The following TMEM108 variants were observed in gnomAD, a reference collection of about 807,000 sequenced individuals.
TMEM108 encodes the protein cancer/testis antigen 124.
In TMEM108, 12 loss-of-function variants were observed where a neutral mutation model predicts 35.1. That is an observed-to-expected ratio of 0.34 (90% confidence interval 0.22 to 0.55). The LOEUF (loss-of-function observed/expected upper bound fraction) is 0.55, where lower values mean the gene tolerates loss of function less well. TMEM108 is among the 20% of genes least tolerant of loss of function. The pLI, the probability that TMEM108 is intolerant of heterozygous loss-of-function variation, is 0.89. For missense variants in TMEM108, 680 were observed against 753.3 expected (o/e 0.90, Z 1.14); for synonymous variants, 287 against 308.6 (o/e 0.93, Z 0.73).
chr3:133,360,873 G>A (rs1005398889), intron 3 of TMEM108, among the ~76,000 whole-genome samples: 1 of 152,160 alleles, frequency 6.6e-6, no homozygotes, highest in African/African-American at 2.4e-5. Context: ...CAGTGAAGAA[G>A]CTATTTGACT....
intron 3 of TMEM108, among the ~76,000 whole-genome samples, chr3:133,326,408 T>G (rs2071334088): frequency 6.6e-6 from 1 of 152,188 alleles, no homozygotes; most frequent in Non-Finnish European, 1.5e-5. Context: ...ATGAAATAAG[T>G]TAGTCCTTTG....
At chr3:133,385,289 A>T (rs1176153391) in intron 4 of TMEM108, among the ~76,000 whole-genome samples, 1 of 152,192 alleles carries the variant, frequency 6.6e-6, no homozygotes, top group Non-Finnish European at 1.5e-5. Context: ...CAATGCAGGG[A>T]TATCCAGGGA....
At chr3:133,294,231 G>T (rs953241391) in intron 3 of TMEM108, among the ~76,000 whole-genome samples, 3 of 152,174 alleles carry the variant, frequency 2.0e-5, no homozygotes, top group African/African-American at 7.2e-5. Context: ...TTATTGTACA[G>T]TAGAAATCTT....
At chr3:133,146,104 G>A (rs907301213) in intron 2 of TMEM108, among the ~76,000 whole-genome samples, 1 of 152,184 alleles carries the variant, frequency 6.6e-6, no homozygotes, top group East Asian at 1.9e-4. Flanking sequence ...CTGTGGGTTT[G>A]TCATAAATAG....
chr3:133,055,932 A>G (rs1157748158), intron 2 of TMEM108, among the ~76,000 whole-genome samples: 1 of 152,198 alleles, frequency 6.6e-6, no homozygotes, highest in Non-Finnish European at 1.5e-5. Flanking sequence ...AATGTTAGAC[A>G]TTATTTAGAG....
chr3:133,389,589 G>A (rs1324188582), intron 4 of TMEM108: 1 of 169,494 alleles, frequency 5.9e-6, no homozygotes, highest in Non-Finnish European at 1.2e-5. Context: ...GGGAGGCTGA[G>A]GCAGGAGAAT....
At chr3:133,321,339 G>A (rs991729807) in intron 3 of TMEM108, among the ~76,000 whole-genome samples, 37 of 152,084 alleles carry the variant, frequency 2.4e-4, no homozygotes, top group Non-Finnish European at 3.8e-4. Context: ...CCATGCAAAT[G>A]GTCACCAAAA....
At chr3:133,146,964 G>A (rs1033296422) in intron 2 of TMEM108, among the ~76,000 whole-genome samples, 1 of 152,002 alleles carries the variant, frequency 6.6e-6, no homozygotes, top group African/African-American at 2.4e-5. Context: ...CTGTCCTTCA[G>A]TTCTGCTCTG....
At chr3:133,124,128 T>G (rs1339999527) in intron 2 of TMEM108, among the ~76,000 whole-genome samples, 1 of 152,218 alleles carries the variant, frequency 6.6e-6, no homozygotes, top group Non-Finnish European at 1.5e-5. Flanking sequence ...GTACCCAGAT[T>G]AGATTATAGA....
At chr3:133,093,964 G>C (rs1943979634) in intron 2 of TMEM108, among the ~76,000 whole-genome samples, 1 of 152,122 alleles carries the variant, frequency 6.6e-6, no homozygotes, top group African/African-American at 2.4e-5. Flanking sequence ...ATGACAGTTA[G>C]GTGTGTTGAC....
At chr3:133,124,294 A>C (rs1397100028) in intron 2 of TMEM108, among the ~76,000 whole-genome samples, 1 of 152,232 alleles carries the variant, frequency 6.6e-6, no homozygotes, top group Non-Finnish European at 1.5e-5. Flanking sequence ...TGTTAAATAA[A>C]AACCAAAAGG....
chr3:133,236,645 G>A (rs1410135415), intron 3 of TMEM108, among the ~76,000 whole-genome samples: 2 of 152,090 alleles, frequency 1.3e-5, no homozygotes, highest in Non-Finnish European at 2.9e-5. Context: ...ACTTTAAAGT[G>A]AGAGAACTCT....
chr3:133,391,449 C>T (rs914983138), intron 5 of TMEM108, among the ~76,000 whole-genome samples: 1 of 152,118 alleles, frequency 6.6e-6, no homozygotes, highest in Non-Finnish European at 1.5e-5. Flanking sequence ...CTTTTGTAAA[C>T]ATAACTGTGG....
intron 2 of TMEM108, among the ~76,000 whole-genome samples, chr3:133,119,715 TGGCGATG>T (rs944323470): frequency 9.8e-5 from 15 of 152,318 alleles, no homozygotes; most frequent in African/African-American, 3.4e-4. Flanking sequence ...GATTTCTTCT[TGGCGATG>T]TTTTATTAGC....
intron 5 of TMEM108, among the ~76,000 whole-genome samples, chr3:133,391,738 A>C (rs115431809): frequency 0.02 from 2,981 of 151,920 alleles, 92 homozygotes; most frequent in African/African-American, 0.064. Context: ...TGCTCACCTC[A>C]GTGACTCCAA....
chr3:133,116,467 T>A (rs529878535), intron 2 of TMEM108, among the ~76,000 whole-genome samples: 2 of 152,214 alleles, frequency 1.3e-5, no homozygotes, highest in African/African-American at 4.8e-5. Flanking sequence ...TTTCATGAAC[T>A]TTTTGAAGAC....
chr3:133,206,116 C>T (rs910400095), intron 2 of TMEM108, among the ~76,000 whole-genome samples: 3 of 152,156 alleles, frequency 2.0e-5, no homozygotes, highest in Non-Finnish European at 2.9e-5. Flanking sequence ...GTATGCATCA[C>T]GAAGTTCTCG....
chr3:133,330,483 TTTC>T, intron 3 of TMEM108, among the ~76,000 whole-genome samples: 1 of 152,332 alleles, frequency 6.6e-6, no homozygotes, highest in East Asian at 1.9e-4. Flanking sequence ...TATAGCTAGT[TTTC>T]TTGGAAAAAT....
chr3:133,170,883 G>T (rs1945120490), intron 2 of TMEM108, among the ~76,000 whole-genome samples: 1 of 152,070 alleles, frequency 6.6e-6, no homozygotes, highest in African/African-American at 2.4e-5. Context: ...AGTTTGATTT[G>T]CCTACCCCTA....
Sources: gnomAD v4.1 joint callset for allele counts (sites outside exome capture counted in the v4.1 genomes callset) on GRCh38, gnomAD v4.1.1 for gene constraint, MANE v1.5 for transcripts, NCBI Gene and HGNC (gene_info 2026-07-23, HGNC 2026-07-21) for gene names.